The following BORCS5 variants were observed in gnomAD, a reference collection of about 807,000 sequenced individuals.
BORCS5 encodes the protein BLOC-1-related complex subunit 5.
In BORCS5, 17 loss-of-function variants were observed where a neutral mutation model predicts 22.1. The observed-to-expected ratio is 0.77, with a 90% CI of 0.53 to 1.15. The LOEUF (loss-of-function observed/expected upper bound fraction) is 1.15, where lower values mean the gene tolerates loss of function less well. BORCS5 is among the 50% of genes most tolerant of loss of function. The pLI, the probability that BORCS5 is intolerant of heterozygous loss-of-function variation, is 0.00. For synonymous variants in BORCS5, 117 were observed against 99.8 expected, an observed-to-expected ratio of 1.17 and a Z score of -1.03; for missense variants, 247 against 253.2, an observed-to-expected ratio of 0.98 and a Z score of 0.17.
intron 3 of BORCS5, among the ~76,000 whole-genome samples, chr12:12,446,680 G>A (rs1281960909): frequency 1.3e-5 from 2 of 152,298 alleles, no homozygotes; most frequent in Non-Finnish European, 2.9e-5. Flanking sequence ...TTCTGCCCAC[G>A]TTGACAGACT....
chr12:12,432,499 G>C (rs1942455681), intron 2 of BORCS5, among the ~76,000 whole-genome samples: 1 of 152,162 alleles, frequency 6.6e-6, no homozygotes, highest in Admixed American at 6.5e-5. Flanking sequence ...ATTACCATAT[G>C]ACCCAGCAAT....
At chr12:12,363,020 G>T (rs1489093856) in intron 2 of BORCS5, among the ~76,000 whole-genome samples, 1 of 151,978 alleles carries the variant, frequency 6.6e-6, no homozygotes, top group Non-Finnish European at 1.5e-5. Flanking sequence ...CAATAGTAGG[G>T]CATGGTGGCT....
chr12:12,387,224 G>GAT (rs1348146788), intron 2 of BORCS5, among the ~76,000 whole-genome samples: 1 of 151,134 alleles, frequency 6.6e-6, no homozygotes, highest in African/African-American at 2.4e-5. Flanking sequence ...CCTTCTTATG[G>GAT]ATATACCATA....
chr12:12,434,686 C>T (rs894502752), intron 2 of BORCS5, among the ~76,000 whole-genome samples: 1 of 152,074 alleles, frequency 6.6e-6, no homozygotes, highest in Non-Finnish European at 1.5e-5. Context: ...GAATATTTTC[C>T]TTAAAATGTT....
At chr12:12,368,196 G>A (rs763819487) in intron 2 of BORCS5, among the ~76,000 whole-genome samples, 3 of 150,546 alleles carry the variant, frequency 2.0e-5, no homozygotes, top group Non-Finnish European at 4.4e-5. Flanking sequence ...CTTCTTTTCC[G>A]TATTTAACAT....
At chr12:12,372,854 C>A (rs955769805) in intron 2 of BORCS5, among the ~76,000 whole-genome samples, 1 of 152,122 alleles carries the variant, frequency 6.6e-6, no homozygotes, top group African/African-American at 2.4e-5. Context: ...TTTAAGGGTA[C>A]CCTGTGCAGA....
rs534325084 is a variant in BORCS5 at position 12,372,092 on chromosome 12, T to C, written c.202+10743T>C. 7.2e-5 allele frequency among the ~76,000 whole-genome samples: 11 copies of C among 152,270 alleles called. No individual in the cohort carries two copies. The South Asian group carries it at 1.0e-3, about 14-fold the overall frequency. ...TTCGCCCTTGTCGCCCAGGCTGGAG[T>C]GCAATGGCACGATGTCAGCTCACTG... On this transcript the variant is annotated intron_variant, in intron 2 of 3. Transcript: ENST00000314565.
chr12:12,389,541 T>G (rs973181429), intron 2 of BORCS5, among the ~76,000 whole-genome samples: 1 of 142,440 alleles, frequency 7.0e-6, no homozygotes, highest in African/African-American at 2.6e-5. Flanking sequence ...CTCTGCAGAA[T>G]TGGTTGCTCC....
intron 2 of BORCS5, among the ~76,000 whole-genome samples, chr12:12,419,021 T>C (rs1010507563): frequency 4.6e-5 from 7 of 152,156 alleles, no homozygotes; most frequent in Admixed American, 1.3e-4. Context: ...CATTCCCTTT[T>C]GTGTATGTTA....
intron 2 of BORCS5, among the ~76,000 whole-genome samples, chr12:12,419,788 A>G (rs1028149299): frequency 3.3e-5 from 5 of 152,210 alleles, no homozygotes; most frequent in African/African-American, 1.2e-4. Context: ...CATTTCTCTG[A>G]TGACCAGTGA....
intron 2 of BORCS5, among the ~76,000 whole-genome samples, chr12:12,370,175 GAAGAA>G (rs1365521636): frequency 2.0e-5 from 3 of 151,682 alleles, no homozygotes; most frequent in Non-Finnish European, 4.4e-5. Context: ...GTGATTAAGA[GAAGAA>G]AATAACTATA....
At chr12:12,459,138 C>T (rs1393333107) in intron 3 of BORCS5, among the ~76,000 whole-genome samples, 1 of 151,920 alleles carries the variant, frequency 6.6e-6, no homozygotes, top group East Asian at 2.0e-4. Flanking sequence ...TCAGGTGATC[C>T]ACCTGCCTTG....
chr12:12,451,625 T>G (rs796787625), intron 3 of BORCS5, among the ~76,000 whole-genome samples: 4 of 152,336 alleles, frequency 2.6e-5, no homozygotes, highest in African/African-American at 9.6e-5. Flanking sequence ...GGCTCACGCC[T>G]CTAATCCCAG....
In BORCS5 at chr12:12,387,367, T is replaced by A. The variant is rs1371370028; in HGVS notation, c.202+26018T>A. ...TTGCTTCCCAAAGGATTTAATAAACTAATTCATAGTAAAAACAATACTATC... is the reference window on the plus strand; with the variant it reads ...TTGCTTCCCAAAGGATTTAATAAACAAATTCATAGTAAAAACAATACTATC... On this transcript the variant is annotated intron_variant, in intron 2 of 3. Coordinates refer to ENST00000314565, the MANE Select transcript of BORCS5 (RefSeq NM_058169.6). Among the ~76,000 whole-genome samples the A allele has an allele frequency of 2.0e-5, 3 of 151,576 alleles. No homozygotes were observed. The East Asian group carries it at 5.8e-4, about 29-fold the overall frequency.
rs573474667 is a variant in BORCS5, at chr12:12,471,108, C to T, written c.*5332C>T. Among the ~76,000 whole-genome samples, 1 of 152,304 alleles carries T rather than the reference C, an allele frequency of 6.6e-6. No individual in the cohort carries two copies. The highest frequency in any genetic ancestry group is 1.9e-4 in the East Asian group (1 of 5,186). ...TTCTACCGGCCACATCCTGCATTTC[C>T]TGTGGGACAGCATTTTCAAACGGAT... On this transcript the variant is annotated 3_prime_UTR_variant, in exon 4 of 4. Coordinates refer to ENST00000314565, the MANE Select transcript of BORCS5 (RefSeq NM_058169.6).
At chr12:12,395,237 A>G (rs939980541) in intron 2 of BORCS5, among the ~76,000 whole-genome samples, 3 of 151,684 alleles carry the variant, frequency 2.0e-5, no homozygotes, top group Non-Finnish European at 2.9e-5. Context: ...GAAGGCTGCA[A>G]TTTGAGAGGG....
chr12:12,421,573 G>T lies in BORCS5; in HGVS notation c.203-14055G>T, dbSNP rs1294962935. On this transcript the variant is annotated intron_variant, in intron 2 of 3. Transcript: ENST00000314565. ...GGATGCTGCTGGCCTCATAAAATGA[G>T]TTAGGGAGGATTCCCTCTTTTTCTA... Among the ~76,000 whole-genome samples, 4 of 152,204 alleles carry T rather than the reference G, an allele frequency of 2.6e-5. No individual in the cohort carries two copies. The East Asian group carries it at 5.8e-4, about 22-fold the overall frequency.
rs148515902 is a variant in BORCS5, at chr12:12,444,398, G to A, written c.360+8613G>A. Among the ~76,000 whole-genome samples the A allele has an allele frequency of 8.0e-4, 122 of 152,200 alleles. No individual in the cohort carries two copies. In the East Asian group the frequency reaches 8.1e-3, roughly 10 times the overall value. Reference sequence around the variant, plus strand: ...TTTCCTTCTATCTTGTGGCTCTGCCGTCCCCAAAGACCACCTTGCTGATAG... The same window carrying A: ...TTTCCTTCTATCTTGTGGCTCTGCCATCCCCAAAGACCACCTTGCTGATAG... On this transcript the variant is annotated intron_variant, in intron 3 of 3. Transcript: ENST00000314565.
At chr12:12,371,160 G>T (rs555393352) in intron 2 of BORCS5, among the ~76,000 whole-genome samples, 6 of 152,042 alleles carry the variant, frequency 3.9e-5, no homozygotes, top group Non-Finnish European at 7.4e-5. Context: ...CTCTAGAATC[G>T]GGTATTTCTT....
Sources: gnomAD v4.1 joint callset for allele counts (sites outside exome capture counted in the v4.1 genomes callset) on GRCh38, gnomAD v4.1.1 for gene constraint, MANE v1.5 for transcripts, NCBI Gene and HGNC (gene_info 2026-07-23, HGNC 2026-07-21) for gene names.